Variants in RHBDD1 observed in about 807,000 individuals in gnomAD.
RHBDD1 encodes the protein rhomboid-related protein 4.
Under a neutral mutation model 36.3 loss-of-function variants are expected in RHBDD1, and 38 were observed. The observed-to-expected ratio is 1.05, with a 90% CI of 0.81 to 1.37. The LOEUF (loss-of-function observed/expected upper bound fraction) is 1.37, where lower values mean the gene tolerates loss of function less well. Among genes scored for constraint, RHBDD1 ranks in the 40% most tolerant of loss-of-function variants. The pLI is 0.00. For synonymous variants in RHBDD1, 151 were observed against 136.5 expected, an observed-to-expected ratio of 1.11 and a Z score of -0.74; for missense variants, 393 against 377.6, an observed-to-expected ratio of 1.04 and a Z score of -0.34.
intron 8 of RHBDD1, among the ~76,000 whole-genome samples, chr2:226,948,285 G>T (rs1019594768): frequency 6.7e-6 from 1 of 148,750 alleles, no homozygotes; most frequent in African/African-American, 2.5e-5. Flanking sequence ...GATGAAATTG[G>T]AAATCATCAT....
chr2:226,922,064 TTGAC>T (rs1424516685), intron 8 of RHBDD1, among the ~76,000 whole-genome samples: 3 of 152,108 alleles, frequency 2.0e-5, no homozygotes, highest in African/African-American at 7.2e-5. Flanking sequence ...TCTTACTGAA[TTGAC>T]TGACCCCTTT....
intron 8 of RHBDD1, among the ~76,000 whole-genome samples, chr2:226,940,434 A>G (rs1199788172): frequency 6.6e-6 from 1 of 152,170 alleles, no homozygotes; most frequent in African/African-American, 2.4e-5. Flanking sequence ...TTTGGTATTT[A>G]TAAAGAGCCA....
chr2:226,868,862 C>G (rs1248026579), intron 5 of RHBDD1, among the ~76,000 whole-genome samples: 1 of 152,160 alleles, frequency 6.6e-6, no homozygotes, highest in South Asian at 2.1e-4. Context: ...ACAAAATCTT[C>G]AAAGTTTTCT....
intron 8 of RHBDD1, among the ~76,000 whole-genome samples, chr2:226,987,776 T>C (rs1559355247): frequency 6.6e-6 from 1 of 152,306 alleles, no homozygotes; most frequent in East Asian, 1.9e-4. Context: ...TGACTTGATA[T>C]ATTATCTGCA....
chr2:226,862,802 G>A (rs997710301), intron 3 of RHBDD1, among the ~76,000 whole-genome samples: 1 of 152,212 alleles, frequency 6.6e-6, no homozygotes, highest in African/African-American at 2.4e-5. Context: ...ATCTGGTGGG[G>A]GCCTCAGGCC....
At chr2:226,925,438 A>T (rs1013118023) in intron 8 of RHBDD1, among the ~76,000 whole-genome samples, 1 of 152,218 alleles carries the variant, frequency 6.6e-6, no homozygotes, top group Non-Finnish European at 1.5e-5. Context: ...GTGGCATGAA[A>T]ATATGATTAC....
chr2:226,818,335 T>C, the RHBDD1 span, among the ~76,000 whole-genome samples: 2 of 150,444 alleles, frequency 1.3e-5, no homozygotes, highest in Non-Finnish European at 3.0e-5. Context: ...AATTTTTTTT[T>C]TGGTATTTTT....
intron 8 of RHBDD1, among the ~76,000 whole-genome samples, chr2:226,915,950 C>CG (rs1234613162): frequency 6.6e-6 from 1 of 152,170 alleles, no homozygotes; most frequent in Non-Finnish European, 1.5e-5. Flanking sequence ...AAGGTGTCTG[C>CG]GCTGGTCTGC....
chr2:226,940,372 AT>A (rs1950588344), intron 8 of RHBDD1, among the ~76,000 whole-genome samples: 1 of 152,232 alleles, frequency 6.6e-6, no homozygotes, highest in Admixed American at 6.5e-5. Context: ...TGTCTGTAAC[AT>A]TTTAAAAGGC....
chr2:226,840,160 GA>G (rs1355717934), intron 3 of RHBDD1, among the ~76,000 whole-genome samples: 2 of 152,290 alleles, frequency 1.3e-5, no homozygotes, highest in East Asian at 1.9e-4. Context: ...GAGCTTGGGG[GA>G]GGGGGAGTTA....
At chr2:226,901,827 T>A (rs1024698196) in intron 5 of RHBDD1, among the ~76,000 whole-genome samples, 1 of 152,224 alleles carries the variant, frequency 6.6e-6, no homozygotes. Context: ...AGCACTTGAC[T>A]AGACATTTTT....
At chr2:226,819,537 C>A in the RHBDD1 span, among the ~76,000 whole-genome samples, 1 of 152,078 alleles carries the variant, frequency 6.6e-6, no homozygotes, top group Non-Finnish European at 1.5e-5. Flanking sequence ...AACAAATATA[C>A]CCTCTGATGG....
intron 7 of RHBDD1, among the ~76,000 whole-genome samples, chr2:226,909,198 G>A (rs1463043797): frequency 6.6e-6 from 1 of 152,134 alleles, no homozygotes; most frequent in Non-Finnish European, 1.5e-5. Context: ...CTACTGCTGG[G>A]AAAGTGTTAA....
chr2:226,884,624 A>G (rs929296059), intron 5 of RHBDD1, among the ~76,000 whole-genome samples: 1 of 152,156 alleles, frequency 6.6e-6, no homozygotes, highest in African/African-American at 2.4e-5. Context: ...GGATTCTAAG[A>G]CACACATCTT....
chr2:226,928,776 A>G (rs1949831984), intron 8 of RHBDD1, among the ~76,000 whole-genome samples: 1 of 152,124 alleles, frequency 6.6e-6, no homozygotes. Context: ...CATGAAAAGA[A>G]GAGAGAAGAT....
the RHBDD1 span, among the ~76,000 whole-genome samples, chr2:226,824,199 CA>C: frequency 6.6e-6 from 1 of 151,772 alleles, no homozygotes. Context: ...TATGATAAAG[CA>C]AATGTTAACA....
At chr2:226,916,650 A>G (rs1948930511) in intron 8 of RHBDD1, among the ~76,000 whole-genome samples, 3 of 152,216 alleles carry the variant, frequency 2.0e-5, no homozygotes, top group Admixed American at 6.5e-5. Context: ...GAAAATGTGT[A>G]TTCTAAAGTA....
In RHBDD1 at chr2:226,914,301, G is replaced by A. The variant is rs910346351; in HGVS notation, c.806G>A (p.Ser269Asn). Residue 269 changes from serine (S) to asparagine (N), a missense_variant, in exon 8 of 9, where the codon AGT (serine) becomes AAT (asparagine). Physicochemically the swap from Ser to Asn is conservative, Grantham distance 46 (BLOSUM62 1). Transcript: ENST00000392062. ...TATGACACGTACACAGCAGGACTGA[G>A]TGAAGAAGAACAGCTCGAGAGAGCA... ...RNYDTYTAGL[S>N]EEEQLERALQ... 1.8e-5 allele frequency: 29 copies of A among 1,613,664 alleles called. No homozygotes were observed. The highest frequency in any genetic ancestry group is 3.3e-5 in the Admixed American group (2 of 59,936).
chr2:226,853,859 A>G (rs989510806), intron 3 of RHBDD1, among the ~76,000 whole-genome samples: 1 of 152,208 alleles, frequency 6.6e-6, no homozygotes, highest in African/African-American at 2.4e-5. Flanking sequence ...CCGAAGCTCC[A>G]TGGATGTACA....
Sources: gnomAD v4.1 joint callset for allele counts (sites outside exome capture counted in the v4.1 genomes callset) on GRCh38, gnomAD v4.1.1 for gene constraint, MANE v1.5 for transcripts, NCBI Gene and HGNC (gene_info 2026-07-23, HGNC 2026-07-21) for gene names.